CSMD1: variants seen among roughly 807,000 people sequenced by gnomAD.
The protein encoded by CSMD1 is CUB and sushi domain-containing protein 1.
Under a neutral mutation model 417.5 loss-of-function variants are expected in CSMD1, and 213 were observed. That is an observed-to-expected ratio of 0.51 (90% confidence interval 0.46 to 0.57). The LOEUF (loss-of-function observed/expected upper bound fraction) is 0.57. CSMD1 is among the 20% of genes least tolerant of loss of function. The probability of loss-of-function intolerance (pLI) is 0.00; values close to 1 mark genes in which losing one functional copy is unlikely to be tolerated. For synonymous variants in CSMD1, 2,862 were observed against 1,736.8 expected, an observed-to-expected ratio of 1.65 and a Z score of -16.11; for missense variants, 6,923 against 4,529.7, an observed-to-expected ratio of 1.53 and a Z score of -15.17.
chr8:4,397,797 T>C (rs1343307450), intron 3 of CSMD1, among the ~76,000 whole-genome samples: 1 of 152,156 alleles, frequency 6.6e-6, no homozygotes, highest in Non-Finnish European at 1.5e-5. Flanking sequence ...ATCTCAATAT[T>C]ACATGCTAAT....
chr8:3,307,879 T>C (rs1489700239), intron 24 of CSMD1, 58 bp from the exon 25 acceptor site: 10 of 1,571,948 alleles, frequency 6.4e-6, no homozygotes, highest in East Asian at 2.3e-5. Flanking sequence ...TGTTTCTATT[T>C]AGCTACTTTT....
At chr8:4,314,466 T>C (rs972923738) in intron 3 of CSMD1, among the ~76,000 whole-genome samples, 1 of 152,212 alleles carries the variant, frequency 6.6e-6, no homozygotes. Flanking sequence ...CCAATTTCAA[T>C]TGCATCCGTT....
intron 5 of CSMD1, among the ~76,000 whole-genome samples, chr8:3,949,433 G>A (rs930012021): frequency 5.3e-5 from 8 of 152,212 alleles, no homozygotes; most frequent in Non-Finnish European, 7.4e-5. Context: ...GTATATAGAA[G>A]CTCTAACAAT....
chr8:4,036,436 T>G (rs1334400808), intron 3 of CSMD1, among the ~76,000 whole-genome samples: 3 of 152,210 alleles, frequency 2.0e-5, no homozygotes, highest in Non-Finnish European at 2.9e-5. Context: ...AAAAATATCA[T>G]TAATGAATAT....
intron 5 of CSMD1, among the ~76,000 whole-genome samples, chr8:3,965,863 A>G (rs1405649458): frequency 6.6e-6 from 1 of 152,162 alleles, no homozygotes; most frequent in Non-Finnish European, 1.5e-5. Flanking sequence ...ATACTGTGCC[A>G]GCCTTGGCCT....
intron 2 of CSMD1, among the ~76,000 whole-genome samples, chr8:4,481,891 G>C (rs1274167179): frequency 1.3e-5 from 2 of 152,128 alleles, no homozygotes; most frequent in African/African-American, 2.4e-5. Flanking sequence ...ATGAGATCAA[G>C]TAGCTTGATC....
chr8:3,919,812 ATATTG>A (rs568820847), intron 5 of CSMD1, among the ~76,000 whole-genome samples: 76 of 152,166 alleles, frequency 5.0e-4, no homozygotes, highest in African/African-American at 1.8e-3. Flanking sequence ...TTCTTCATAA[ATATTG>A]TATAATTTTC....
Position 2,974,635 on chromosome 8 carries a change from A to G in CSMD1, c.8567-11T>C, listed in dbSNP as rs775272528. ...GTCCACACGATATAGCTTCAGAAAA[A>G]AGATAAAACAATTGAGTACATCCTT... On this transcript the variant is annotated splice_polypyrimidine_tract_variant and intron_variant, in intron 55 of 69. Coordinates refer to ENST00000635120, the MANE Select transcript of CSMD1 (RefSeq NM_033225.6). 155 of 1,561,300 alleles carry G rather than the reference A, an allele frequency of 9.9e-5. No individual in the cohort carries two copies. The highest frequency in any genetic ancestry group is 1.3e-4 in the Non-Finnish European group (153 of 1,152,132).
intron 5 of CSMD1, among the ~76,000 whole-genome samples, chr8:3,886,334 C>T (rs575195962): frequency 6.6e-6 from 1 of 152,302 alleles, no homozygotes; most frequent in Admixed American, 6.5e-5. Context: ...CAGGCGTGGG[C>T]CACTGTGCCA....
intron 25 of CSMD1, among the ~76,000 whole-genome samples, chr8:3,302,955 A>C (rs3860872): frequency 0.99 from 150,296 of 152,300 alleles, 74,184 homozygotes; most frequent in Middle Eastern, 1. Context: ...GTCACCCATG[A>C]CCAGCAACTG....
chr8:3,366,185 A>G (rs1299084497), intron 20 of CSMD1, among the ~76,000 whole-genome samples: 1 of 152,208 alleles, frequency 6.6e-6, no homozygotes, highest in South Asian at 2.1e-4. Context: ...ATGCAAGTTA[A>G]TATGATTGTT....
At chr8:3,562,318 C>T (rs992215274) in intron 10 of CSMD1, among the ~76,000 whole-genome samples, 3 of 121,068 alleles carry the variant, frequency 2.5e-5, no homozygotes, top group Non-Finnish European at 5.4e-5. Context: ...CTTGGGAACC[C>T]TCCTTTCCTC....
At chr8:3,770,356 C>G (rs1238607440) in intron 5 of CSMD1, among the ~76,000 whole-genome samples, 1 of 152,076 alleles carries the variant, frequency 6.6e-6, no homozygotes, top group Non-Finnish European at 1.5e-5. Context: ...TGGTGAAACC[C>G]CGTCTCTACT....
intron 30 of CSMD1, among the ~76,000 whole-genome samples, chr8:3,214,168 G>C (rs1459898246): frequency 2.6e-5 from 4 of 151,210 alleles, no homozygotes; most frequent in Non-Finnish European, 4.4e-5. Flanking sequence ...TATATATGGA[G>C]AGAGAGAGAG....
intron 3 of CSMD1, among the ~76,000 whole-genome samples, chr8:4,065,661 A>G (rs1799207888): frequency 1.3e-5 from 2 of 152,204 alleles, no homozygotes; most frequent in South Asian, 4.1e-4. Context: ...TTTAGCCATG[A>G]CACTACCAAC....
intron 1 of CSMD1, among the ~76,000 whole-genome samples, chr8:4,697,059 C>A (rs1047649243): frequency 1.3e-5 from 2 of 152,056 alleles, no homozygotes; most frequent in Non-Finnish European, 2.9e-5. Context: ...GTAATCCCAG[C>A]TACTCAGGAG....
chr8:3,920,828 G>A (rs1026035446), intron 5 of CSMD1, among the ~76,000 whole-genome samples: 3 of 152,104 alleles, frequency 2.0e-5, no homozygotes, highest in Non-Finnish European at 2.9e-5. Flanking sequence ...AATCTCACCT[G>A]ACTGTGGTGT....
At chr8:3,902,253 T>C (rs894127521) in intron 5 of CSMD1, among the ~76,000 whole-genome samples, 4 of 152,184 alleles carry the variant, frequency 2.6e-5, no homozygotes, top group African/African-American at 9.7e-5. Context: ...ACCCACATTC[T>C]AGGGTCCATT....
At chr8:3,343,859 T>G (rs907001232) in intron 22 of CSMD1, among the ~76,000 whole-genome samples, 3 of 152,170 alleles carry the variant, frequency 2.0e-5, no homozygotes, top group Admixed American at 6.5e-5. Flanking sequence ...CTCAACTAAG[T>G]CAAAGAACAT....
Sources: gnomAD v4.1 joint callset for allele counts (sites outside exome capture counted in the v4.1 genomes callset) on GRCh38, gnomAD v4.1.1 for gene constraint, MANE v1.5 for transcripts, NCBI Gene and HGNC (gene_info 2026-07-23, HGNC 2026-07-21) for gene names.